The following ZNF782 variants were observed in gnomAD, a reference collection of about 807,000 sequenced individuals.
ZNF782 encodes the protein zinc finger protein 782.
A neutral mutation model predicts 13.0 loss-of-function variants in ZNF782; 12 were observed. The ratio of observed to expected loss-of-function variants is 0.92; its 90% CI spans 0.59 to 1.50. The LOEUF (loss-of-function observed/expected upper bound fraction) is 1.50. ZNF782 is among the 40% of genes most tolerant of loss of function. ZNF782 has a pLI of 0.00. For missense variants in ZNF782, 770 were observed against 822.9 expected, an observed-to-expected ratio of 0.94 and a Z score of 0.79; for synonymous variants, 284 against 283.0, an observed-to-expected ratio of 1.00 and a Z score of -0.04.
At position 96,827,246 on chromosome 9, in the gene ZNF782, A is replaced by G. The variant is rs1850656433; in HGVS notation, c.143-65T>C. 7 of 1,211,020 alleles carry G rather than the reference A, an allele frequency of 5.8e-6. No individual in the cohort carries two copies. The Admixed American group carries it at 1.1e-4, about 19-fold the overall frequency. 75.0% of individuals were successfully genotyped at this position (1,211,020 alleles called of 1,614,324 possible). A position where few individuals can be genotyped will look rare whatever the true frequency, so the allele number is the denominator to read the frequency against. ...TAGGTTCTACTGTTTCTGAATGTGAAGAAGGTACAGCTTCAGAAGGGGCAT... is the reference window on the plus strand; with the variant it reads ...TAGGTTCTACTGTTTCTGAATGTGAGGAAGGTACAGCTTCAGAAGGGGCAT... On this transcript the variant is annotated intron_variant, in intron 4 of 5. Coordinates refer to ENST00000481138, the MANE Select transcript of ZNF782 (RefSeq NM_001001662.3).
the ZNF782 span, among the ~76,000 whole-genome samples, chr9:96,901,813 G>T: frequency 2.7e-5 from 4 of 148,428 alleles, no homozygotes; most frequent in Non-Finnish European, 6.0e-5. Flanking sequence ...CAGGGAGGTG[G>T]AGGTTGCAGT....
At chr9:96,855,336 T>A (rs1329674721), upstream of ZNF782, among the ~76,000 whole-genome samples, 1 of 152,170 alleles carries the variant, frequency 6.6e-6, no homozygotes, top group East Asian at 1.9e-4. Flanking sequence ...ATTTGTGAGA[T>A]TTTGGTGCAC....
intron 5 of ZNF782, among the ~76,000 whole-genome samples, chr9:96,825,945 T>C (rs1186976029): frequency 4.0e-5 from 6 of 151,638 alleles, no homozygotes; most frequent in African/African-American, 1.5e-4. Flanking sequence ...TTTTACACTG[T>C]TGGTGGGACT....
At chr9:96,876,206 T>C (rs1021124753), upstream of ZNF782, among the ~76,000 whole-genome samples, 4 of 152,188 alleles carry the variant, frequency 2.6e-5, no homozygotes, top group African/African-American at 9.6e-5. Flanking sequence ...ATTATAAATA[T>C]TAAAGAACAT....
At chr9:96,911,438 CAAAAAAAAA>C in the ZNF782 span, among the ~76,000 whole-genome samples, 2 of 28,240 alleles carry the variant, frequency 7.1e-5, no homozygotes, top group African/African-American at 3.0e-4. Context: ...GACTCTGTCT[CAAAAAAAAA>C]AAAAAAAAAA....
chr9:96,883,731 C>T, the ZNF782 span, among the ~76,000 whole-genome samples: 30 of 152,148 alleles, frequency 2.0e-4, no homozygotes, highest in African/African-American at 7.2e-4. Context: ...TCCTACTACA[C>T]ATAGAAATCT....
chr9:96,871,773 GTAAATATTTGTAGCATTGA>G (rs1332794624), intron 1 of ZNF782, among the ~76,000 whole-genome samples: 1 of 152,162 alleles, frequency 6.6e-6, no homozygotes, highest in Non-Finnish European at 1.5e-5. Context: ...GTGATGCTTT[GTAAATATTTGTAGCATTGA>G]TACTTCTACA....
At chr9:96,840,359 A>G (rs1851149060) in intron 4 of ZNF782, among the ~76,000 whole-genome samples, 1 of 151,880 alleles carries the variant, frequency 6.6e-6, no homozygotes, top group South Asian at 2.1e-4. Context: ...ATTCCTAGAC[A>G]TCCTTAGAGT....
intron 1 of ZNF782, among the ~76,000 whole-genome samples, chr9:96,870,043 T>C (rs1297845815): frequency 6.6e-6 from 1 of 152,140 alleles, no homozygotes; most frequent in African/African-American, 2.4e-5. Flanking sequence ...ATAAAACAAG[T>C]TCCCCCTTTG....
intron 5 of ZNF782, among the ~76,000 whole-genome samples, chr9:96,822,037 G>A (rs923486069): frequency 1.1e-4 from 16 of 151,978 alleles, no homozygotes; most frequent in African/African-American, 2.9e-4. Flanking sequence ...TATAACCTTC[G>A]TTCTGATATA....
At chr9:96,872,509 C>T (rs1447881002) in intron 1 of ZNF782, among the ~76,000 whole-genome samples, 3 of 148,632 alleles carry the variant, frequency 2.0e-5, no homozygotes, top group East Asian at 3.9e-4. Context: ...CCAGCCTGGG[C>T]GACAGAGTGA....
the ZNF782 span, among the ~76,000 whole-genome samples, chr9:96,905,729 A>G: frequency 6.6e-6 from 1 of 152,356 alleles, no homozygotes; most frequent in Admixed American, 6.5e-5. Context: ...GGGACTACAG[A>G]CATGCGCCAC....
At chr9:96,865,148 A>G (rs1033713711) in intron 1 of ZNF782, among the ~76,000 whole-genome samples, 7 of 152,098 alleles carry the variant, frequency 4.6e-5, no homozygotes, top group African/African-American at 1.2e-4. Flanking sequence ...AGTGCATTCA[A>G]CTCATCCCCA....
chr9:96,931,737 G>C, the ZNF782 span: 1 of 1,611,496 alleles, frequency 6.2e-7, no homozygotes, highest in Non-Finnish European at 8.5e-7. Flanking sequence ...CCAGTGCTGG[G>C]ACCCGGCGTG....
chr9:96,913,627 A>G, the ZNF782 span, among the ~76,000 whole-genome samples: 4 of 150,856 alleles, frequency 2.7e-5, no homozygotes, highest in Non-Finnish European at 4.4e-5. Flanking sequence ...CAATTCAAGC[A>G]ATTCTCCTGC....
At chr9:96,925,548 T>C in the ZNF782 span, among the ~76,000 whole-genome samples, 2 of 149,728 alleles carry the variant, frequency 1.3e-5, no homozygotes, top group Non-Finnish European at 2.9e-5. Context: ...TGAGGCAGAA[T>C]TGCTTGAACC....
the ZNF782 span, chr9:96,928,983 G>A: frequency 1.1e-4 from 170 of 1,604,774 alleles, 3 homozygotes; most frequent in South Asian, 1.2e-3. Flanking sequence ...TTTTCATTGC[G>A]GAAGCTGCCA....
chr9:96,856,607 G>A (rs1468507369), upstream of ZNF782, among the ~76,000 whole-genome samples: 1 of 152,234 alleles, frequency 6.6e-6, no homozygotes, highest in Non-Finnish European at 1.5e-5. Context: ...CAAGGTAAGA[G>A]GATCAGGCTG....
At chr9:96,887,347 AAG>A in the ZNF782 span, 9 of 146,540 alleles carry the variant, frequency 6.1e-5, no homozygotes, top group East Asian at 2.0e-4. Flanking sequence ...GGAAGAAAGA[AAG>A]AAAGATACGA....
Sources: allele counts gnomAD v4.1 joint callset (sites outside exome capture counted in the v4.1 genomes callset), GRCh38; gene constraint gnomAD v4.1.1; transcripts MANE v1.5; gene names NCBI Gene and HGNC (gene_info 2026-07-23, HGNC 2026-07-21).